The following TMEM135 variants were observed in gnomAD, a reference collection of about 807,000 sequenced individuals.
TMEM135 encodes transmembrane protein 135.
In TMEM135, 30 loss-of-function variants were observed where a neutral mutation model predicts 60.3. That is an observed-to-expected ratio of 0.50 (90% CI 0.37 to 0.68). The LOEUF (loss-of-function observed/expected upper bound fraction) is 0.68. TMEM135 is among the 30% of genes least tolerant of loss of function. TMEM135 has a pLI of 0.00. For missense variants in TMEM135, 468 were observed against 548.8 expected, an observed-to-expected ratio of 0.85 and a Z score of 1.47; for synonymous variants, 190 against 186.7, an observed-to-expected ratio of 1.02 and a Z score of -0.14.
chr11:87,299,981 G>T (rs1335269607), intron 7 of TMEM135, among the ~76,000 whole-genome samples: 1 of 152,126 alleles, frequency 6.6e-6, no homozygotes, highest in Non-Finnish European at 1.5e-5. Context: ...CATTTAAGAT[G>T]AATTTTAAAA....
chr11:87,318,592 T>G (rs1341056402), intron 13 of TMEM135, among the ~76,000 whole-genome samples: 1 of 152,044 alleles, frequency 6.6e-6, no homozygotes, highest in Non-Finnish European at 1.5e-5. Flanking sequence ...TAGGCATAAA[T>G]ATAAATAATT....
intron 6 of TMEM135, among the ~76,000 whole-genome samples, chr11:87,246,257 C>T (rs1174569604): frequency 4.7e-5 from 7 of 149,406 alleles, no homozygotes; most frequent in East Asian, 3.9e-4. Context: ...GTGGGTAACC[C>T]GACCTTTCTC....
chr11:87,208,686 T>C (rs954328968), intron 5 of TMEM135, among the ~76,000 whole-genome samples: 2 of 151,998 alleles, frequency 1.3e-5, no homozygotes, highest in East Asian at 1.9e-4. Context: ...ACTAGAGAGG[T>C]TGACATGCAA....
chr11:87,324,077 A>G lies in TMEM135; in HGVS notation c.*2744A>G, dbSNP rs1345441864. The G allele has an allele frequency of 2.2e-6, 1 of 454,082 alleles. No homozygotes were observed. Among genetic ancestry groups the G allele is most frequent in the Admixed American group, 2.3e-5 (1 of 42,566 alleles). The allele number at this position is 454,082 out of a possible 1,614,324, so 28.1% of individuals were successfully genotyped here. A position where few individuals can be genotyped will look rare whatever the true frequency, so the allele number is the denominator to read the frequency against. ...TTTTTGATGGAATCCAAACTGAGCA[A>G]ATGTCACACAGTATTTTCTTGTTGT... is the stretch of plus-strand genomic sequence containing the variant. On this transcript the variant is annotated 3_prime_UTR_variant, in exon 15 of 15. Transcript: ENST00000305494.
intron 4 of TMEM135, among the ~76,000 whole-genome samples, chr11:87,108,423 G>A (rs773348197): frequency 1.2e-4 from 18 of 151,978 alleles, no homozygotes; most frequent in Non-Finnish European, 2.4e-4. Context: ...TTAATCCAAT[G>A]TCTCTTTCAT....
At chr11:87,187,353 A>T (rs1341323679) in intron 5 of TMEM135, among the ~76,000 whole-genome samples, 10 of 152,188 alleles carry the variant, frequency 6.6e-5, no homozygotes, top group Admixed American at 6.5e-4. Flanking sequence ...ATTCTGATTA[A>T]TGTGTTCATG....
intron 6 of TMEM135, among the ~76,000 whole-genome samples, chr11:87,276,665 A>ATTTTTTTT (rs11340916): frequency 7.8e-5 from 9 of 115,634 alleles, no homozygotes; most frequent in Non-Finnish European, 1.0e-4. Flanking sequence ...GTGTTTGTGA[A>ATTTTTTTT]TTTTTTTTTT....
chr11:87,268,470 A>T (rs1941798172), intron 6 of TMEM135, among the ~76,000 whole-genome samples: 1 of 152,034 alleles, frequency 6.6e-6, no homozygotes, highest in African/African-American at 2.4e-5. Context: ...CTTACTGATT[A>T]TATACCCTTT....
intron 4 of TMEM135, among the ~76,000 whole-genome samples, chr11:87,142,062 C>G (rs1938276697): frequency 6.6e-6 from 1 of 152,150 alleles, no homozygotes; most frequent in Admixed American, 6.5e-5. Context: ...CAAACCCCCT[C>G]AGGCTTTGCT....
At position 87,321,554 on chromosome 11, in the gene TMEM135, T is replaced by C; in HGVS notation, c.*221T>C. On this transcript the variant is annotated 3_prime_UTR_variant, in exon 15 of 15. Transcript: ENST00000305494. ...TCCATAGCCAGAATAAGATTCTGGA[T>C]CACTGTAGTGACTGACATTATATAT... 1 of 671,404 alleles carries C rather than the reference T, an allele frequency of 1.5e-6. No homozygotes were observed. The highest frequency in any genetic ancestry group is 1.5e-5 in the South Asian group (1 of 66,446). The allele number at this position is 671,404 out of a possible 1,614,324, so 41.6% of individuals were successfully genotyped here.
chr11:87,073,047 A>AT lies in TMEM135; in HGVS notation c.362+1439dup, dbSNP rs1444298533. On this transcript the variant is annotated intron_variant, in intron 3 of 14. Coordinates refer to ENST00000305494, the MANE Select transcript of TMEM135 (RefSeq NM_022918.4). ...GCCACTCTTACTTATTTATTTATTT[A>AT]TTTTTTTGAGGTGGAGTCTCACTCC... Among the ~76,000 whole-genome samples the AT allele has an allele frequency of 3.3e-5, 5 of 152,000 alleles. No individual in the cohort carries two copies. In the East Asian group the frequency reaches 7.8e-4, roughly 24 times the overall value.
chr11:87,307,806 C>A (rs1360647978), intron 9 of TMEM135, among the ~76,000 whole-genome samples: 1 of 152,128 alleles, frequency 6.6e-6, no homozygotes, highest in Non-Finnish European at 1.5e-5. Context: ...TAAATCACAT[C>A]CCTGAATAAA....
chr11:87,100,229 A>AT (rs1233983326), intron 4 of TMEM135, among the ~76,000 whole-genome samples: 1 of 152,174 alleles, frequency 6.6e-6, no homozygotes, highest in Non-Finnish European at 1.5e-5. Context: ...TGATACATAG[A>AT]TTTTGACTAT....
At chr11:87,275,385 A>G (rs992247050) in intron 6 of TMEM135, among the ~76,000 whole-genome samples, 1 of 152,116 alleles carries the variant, frequency 6.6e-6, no homozygotes, top group Non-Finnish European at 1.5e-5. Flanking sequence ...AAGCCTGCCT[A>G]TCAGATGCTT....
chr11:87,229,221 C>G (rs951222620), intron 5 of TMEM135, among the ~76,000 whole-genome samples: 7 of 151,846 alleles, frequency 4.6e-5, no homozygotes, highest in African/African-American at 1.7e-4. Context: ...TCCATGTTTT[C>G]ATATAAATAT....
intron 5 of TMEM135, among the ~76,000 whole-genome samples, chr11:87,216,702 G>A (rs1289945464): frequency 6.6e-6 from 1 of 152,164 alleles, no homozygotes; most frequent in Non-Finnish European, 1.5e-5. Flanking sequence ...GATATGTGAT[G>A]TTAATTATAC....
At chr11:87,270,213 T>C (rs1941837043) in intron 6 of TMEM135, among the ~76,000 whole-genome samples, 1 of 150,530 alleles carries the variant, frequency 6.6e-6, no homozygotes, top group Admixed American at 6.7e-5. Context: ...TCTTGTAAAT[T>C]TGTTTGAGTT....
At chr11:87,076,677 CAAG>C (rs1447156009) in intron 3 of TMEM135, among the ~76,000 whole-genome samples, 1 of 152,158 alleles carries the variant, frequency 6.6e-6, no homozygotes, top group African/African-American at 2.4e-5. Flanking sequence ...TCTCAGAGCC[CAAG>C]GCTACGGCAT....
At chr11:87,055,800 G>A (rs1008166059) in intron 1 of TMEM135, among the ~76,000 whole-genome samples, 1 of 152,094 alleles carries the variant, frequency 6.6e-6, no homozygotes, top group Admixed American at 6.5e-5. Context: ...ATGTTGGTCA[G>A]GCTGGTCTCG....
Sources: allele counts gnomAD v4.1 joint callset (sites outside exome capture counted in the v4.1 genomes callset), GRCh38; gene constraint gnomAD v4.1.1; transcripts MANE v1.5; gene names NCBI Gene and HGNC (gene_info 2026-07-23, HGNC 2026-07-21).